The following UNC13B variants were observed in gnomAD, a reference collection of about 807,000 sequenced individuals.
UNC13B encodes protein unc-13 homolog B.
UNC13B carries 144 observed loss-of-function variants against 211.0 expected under a neutral mutation model. The ratio of observed to expected loss-of-function variants is 0.68; its 90% confidence interval spans 0.60 to 0.78. The LOEUF is 0.78. Ranked by LOEUF, UNC13B falls within the 30% of genes least tolerant of loss-of-function variation. The probability of loss-of-function intolerance (pLI) is 0.00; values close to 1 mark genes in which losing one functional copy is unlikely to be tolerated. For synonymous variants in UNC13B, 709 were observed against 725.8 expected (o/e 0.98, Z 0.37); for missense variants, 1,777 against 2,002.0 (o/e 0.89, Z 2.14).
chr9:35,302,390 C>T lies in UNC13B; in HGVS notation c.2986C>T (p.Pro996Ser). 2.5e-6 allele frequency: 1 copy of T among 398,476 alleles called. No individual in the cohort carries two copies. The highest frequency in any genetic ancestry group is 4.4e-6 in the Non-Finnish European group (1 of 225,762). The allele number at this position is 398,476 out of a possible 1,614,324, so 24.7% of individuals were successfully genotyped here. The change falls in exon 9 of 40, where the codon CCT becomes TCT. Residue 996 changes from proline (P) to serine (S), a missense_variant. Physicochemically the swap from Pro to Ser is moderately conservative, Grantham distance 74. Coordinates refer to ENST00000635942, the MANE Select transcript of UNC13B (RefSeq NM_001371189.2). Reference sequence around the variant, plus strand: ...TAATAAGAATGACCAAGTAAATTGTCCTGAAGATGCCAAACTTAGTTCAAT... The same window carrying T: ...TAATAAGAATGACCAAGTAAATTGTTCTGAAGATGCCAAACTTAGTTCAAT... ...EFNKNDQVNC[P>S]EDAKLSSIKS...
chr9:35,272,672 C>T (rs1420440599), intron 7 of UNC13B, among the ~76,000 whole-genome samples: 2 of 152,160 alleles, frequency 1.3e-5, no homozygotes, highest in Non-Finnish European at 2.9e-5. Context: ...CCAAGCCTGA[C>T]AATACAGAAG....
chr9:35,297,235 C>T (rs1428181364), intron 8 of UNC13B, among the ~76,000 whole-genome samples: 1 of 151,804 alleles, frequency 6.6e-6, no homozygotes, highest in Non-Finnish European at 1.5e-5. Flanking sequence ...ACTACAGGTG[C>T]ACGCCACCAT....
intron 15 of UNC13B, among the ~76,000 whole-genome samples, chr9:35,377,144 C>G (rs1010292652): frequency 3.3e-5 from 5 of 152,162 alleles, no homozygotes; most frequent in Non-Finnish European, 7.3e-5. Flanking sequence ...AGCAATTATT[C>G]ATGGAAAATG....
intron 1 of UNC13B, among the ~76,000 whole-genome samples, chr9:35,224,876 A>G (rs1395599530): frequency 6.6e-6 from 1 of 152,232 alleles, no homozygotes; most frequent in Non-Finnish European, 1.5e-5. Context: ...ATGGTTCCAC[A>G]TATGCAAATC....
intron 11 of UNC13B, among the ~76,000 whole-genome samples, chr9:35,346,787 A>G (rs998156351): frequency 2.0e-5 from 3 of 152,188 alleles, no homozygotes; most frequent in Non-Finnish European, 2.9e-5. Context: ...GGAAACTCCA[A>G]GGCTAGGTGG....
At position 35,385,252 on chromosome 9, in the gene UNC13B, A is replaced by G. The variant is rs138086477; in HGVS notation, c.10876-472A>G. On this transcript the variant is annotated intron_variant, in intron 22 of 39. Coordinates refer to ENST00000635942, the MANE Select transcript of UNC13B (RefSeq NM_001371189.2). Reference sequence around the variant, plus strand: ...CAGAGATCTGCCATCTGCTGGCTGCAGAACAGTAGAAGAGCTGGGTTCTAT... The same window carrying G: ...CAGAGATCTGCCATCTGCTGGCTGCGGAACAGTAGAAGAGCTGGGTTCTAT... 1.3e-4 allele frequency: 131 copies of G among 985,496 alleles called. 1 individual carries two copies. The East Asian group carries it at 0.013, about 98-fold the overall frequency. The allele number at this position is 985,496 out of a possible 1,614,324, so 61.0% of individuals were successfully genotyped here.
chr9:35,184,171 C>T (rs1223555979), intron 1 of UNC13B, among the ~76,000 whole-genome samples: 5 of 149,548 alleles, frequency 3.3e-5, no homozygotes, highest in Non-Finnish European at 7.4e-5. Flanking sequence ...CAGGCAGAGG[C>T]GCCCCTCACT....
chr9:35,321,255 G>T (rs545903085), intron 11 of UNC13B, among the ~76,000 whole-genome samples: 4 of 151,656 alleles, frequency 2.6e-5, no homozygotes, highest in South Asian at 2.1e-4. Flanking sequence ...TTGAGACAGC[G>T]TCTTGCCTGG....
At chr9:35,203,092 G>A (rs1056879667) in intron 1 of UNC13B, among the ~76,000 whole-genome samples, 63 of 152,124 alleles carry the variant, frequency 4.1e-4, no homozygotes, top group South Asian at 8.3e-4. Flanking sequence ...ATGCCCGGCC[G>A]GGTCTTGACT....
At chr9:35,254,442 T>C (rs1237032915) in intron 6 of UNC13B, among the ~76,000 whole-genome samples, 1 of 152,164 alleles carries the variant, frequency 6.6e-6, no homozygotes, top group Non-Finnish European at 1.5e-5. Context: ...CTTATGCCAT[T>C]CATGAAGTCT....
chr9:35,369,864 A>G (rs1834005084), intron 12 of UNC13B, among the ~76,000 whole-genome samples: 1 of 152,152 alleles, frequency 6.6e-6, no homozygotes, highest in Non-Finnish European at 1.5e-5. Context: ...ATTGTCTGGT[A>G]TAGTCTTACT....
intron 25 of UNC13B, 121 bp downstream of exon 25, chr9:35,390,094 T>C: frequency 6.7e-7 from 1 of 1,492,572 alleles, no homozygotes; most frequent in East Asian, 2.3e-5. Flanking sequence ...TCCATCCATC[T>C]GTCCCTCTGT....
intron 7 of UNC13B, among the ~76,000 whole-genome samples, chr9:35,268,860 C>T (rs1827721370): frequency 6.6e-6 from 1 of 152,100 alleles, no homozygotes; most frequent in South Asian, 2.1e-4. Context: ...AACTTCCATG[C>T]ATTAGTTTTA....
chr9:35,281,839 A>G (rs546308208), intron 7 of UNC13B, among the ~76,000 whole-genome samples: 1 of 152,370 alleles, frequency 6.6e-6, no homozygotes, highest in Admixed American at 6.5e-5. Flanking sequence ...AAAAGAGTTC[A>G]TAGTACAAGG....
intron 8 of UNC13B, among the ~76,000 whole-genome samples, chr9:35,298,353 C>G (rs561559009): frequency 6.6e-6 from 1 of 152,130 alleles, no homozygotes; most frequent in Non-Finnish European, 1.5e-5. Flanking sequence ...TCTGGGAGGT[C>G]GAAGCTATAG....
At chr9:35,272,870 C>T (rs1024846767) in intron 7 of UNC13B, among the ~76,000 whole-genome samples, 4 of 152,074 alleles carry the variant, frequency 2.6e-5, no homozygotes, top group Admixed American at 6.6e-5. Context: ...AACTACTTAC[C>T]GTGTCTGAAA....
intron 11 of UNC13B, among the ~76,000 whole-genome samples, chr9:35,358,397 C>T (rs1204143786): frequency 2.0e-5 from 3 of 152,252 alleles, no homozygotes; most frequent in East Asian, 1.9e-4. Flanking sequence ...GTGGCTGCAC[C>T]GTTTTACGTT....
chr9:35,258,367 A>G (rs1827058108), intron 6 of UNC13B, among the ~76,000 whole-genome samples: 1 of 152,094 alleles, frequency 6.6e-6, no homozygotes, highest in South Asian at 2.1e-4. Flanking sequence ...CAAGATTTGG[A>G]CATAATTCTT....
chr9:35,183,873 T>A (rs1213951231), intron 1 of UNC13B, among the ~76,000 whole-genome samples: 1 of 134,264 alleles, frequency 7.4e-6, no homozygotes, highest in Non-Finnish European at 1.6e-5. Context: ...GCTCCTTGCC[T>A]CCCAGACGGG....
Sources: allele counts gnomAD v4.1 joint callset (sites outside exome capture counted in the v4.1 genomes callset), GRCh38; gene constraint gnomAD v4.1.1; transcripts MANE v1.5; gene names NCBI Gene and HGNC (gene_info 2026-07-23, HGNC 2026-07-21).